Variants in KIRREL3 observed in about 807,000 individuals in gnomAD.
KIRREL3 encodes kirre like nephrin family adhesion molecule 3, also known as kin of IRRE-like protein 3.
Under a neutral mutation model 89.7 loss-of-function variants are expected in KIRREL3, and 36 were observed. The ratio of observed to expected loss-of-function variants is 0.40; its 90% CI spans 0.31 to 0.53. The LOEUF is 0.53. KIRREL3 is among the 20% of genes least tolerant of loss of function. The pLI is 0.49. For synonymous variants in KIRREL3, 445 were observed against 441.4 expected, an observed-to-expected ratio of 1.01 and a Z score of -0.10; for missense variants, 864 against 1,056.6, an observed-to-expected ratio of 0.82 and a Z score of 2.53.
chr11:126,460,410 T>G (rs557635665), intron 6 of KIRREL3, among the ~76,000 whole-genome samples: 1 of 152,266 alleles, frequency 6.6e-6, no homozygotes, highest in South Asian at 2.1e-4. Flanking sequence ...ATTACTTCCA[T>G]GTACAGAGGA....
At chr11:126,539,665 G>A (rs930219268) in intron 2 of KIRREL3, among the ~76,000 whole-genome samples, 3 of 152,168 alleles carry the variant, frequency 2.0e-5, no homozygotes, top group Non-Finnish European at 2.9e-5. Context: ...GAGGAGAAGC[G>A]CGCTTGAGGT....
rs1947911174 is a variant in KIRREL3, at chr11:126,715,223, A to C, written c.56-152311T>G. 6.6e-6 allele frequency among the ~76,000 whole-genome samples: 1 copy of C among 152,230 alleles called. No homozygotes were observed. Among genetic ancestry groups the C allele is most frequent in the Admixed American group, 6.5e-5 (1 of 15,292 alleles). Reference sequence around the variant, plus strand: ...GAGGAAGAAATCAGTTGAGAAAAACAGTCTTGAGCTACTCAGGCTATCCCC... The same window carrying C: ...GAGGAAGAAATCAGTTGAGAAAAACCGTCTTGAGCTACTCAGGCTATCCCC... On this transcript the variant is annotated intron_variant, in intron 1 of 16. Coordinates refer to ENST00000525144, the MANE Select transcript of KIRREL3 (RefSeq NM_032531.4). This position sits in a 1 kb window ranked among gnomAD's most constrained non-coding sequence, Gnocchi z 4.4.
intron 8 of KIRREL3, among the ~76,000 whole-genome samples, chr11:126,448,103 G>A (rs772701911): frequency 6.6e-6 from 1 of 151,950 alleles, no homozygotes; most frequent in African/African-American, 2.4e-5. Flanking sequence ...TGGCCAACAT[G>A]GTGAAACTGT....
intron 2 of KIRREL3, among the ~76,000 whole-genome samples, chr11:126,536,360 CCT>C (rs2134474224): frequency 6.6e-6 from 1 of 152,236 alleles, no homozygotes; most frequent in African/African-American, 2.4e-5. Context: ...GTTGCTTACT[CCT>C]CCCTGCCACC....
intron 1 of KIRREL3, among the ~76,000 whole-genome samples, chr11:126,648,262 C>T (rs185557172): frequency 5.9e-5 from 9 of 152,300 alleles, no homozygotes; most frequent in South Asian, 4.1e-4. Context: ...CTTTTTACCC[C>T]GTCTCACGTA....
chr11:126,521,698 G>C lies in KIRREL3; in HGVS notation c.284-234C>G, dbSNP rs867373444. Among the ~76,000 whole-genome samples the C allele has an allele frequency of 1.2e-4, 10 of 82,192 alleles. No individual in the cohort carries two copies. Among genetic ancestry groups the C allele is most frequent in the Admixed American group, 8.1e-4 (7 of 8,654 alleles). The allele number at this position is 82,192 out of a possible 152,430, so 53.9% of individuals were successfully genotyped here. ...TGTATGTGTGTGTGTGTGTGTGTGT[G>C]TGTGTGTGTGTGTGTGTGTGTGTGT... On this transcript the variant is annotated intron_variant, in intron 3 of 16. Coordinates refer to ENST00000525144, the MANE Select transcript of KIRREL3 (RefSeq NM_032531.4). The surrounding 1 kb of genome is among the most constrained non-coding windows in gnomAD (Gnocchi z 4.1).
At chr11:126,502,665 C>A (rs1272703515) in intron 4 of KIRREL3, among the ~76,000 whole-genome samples, 3 of 152,160 alleles carry the variant, frequency 2.0e-5, no homozygotes, top group Non-Finnish European at 4.4e-5. Flanking sequence ...ACTTAAAAGC[C>A]CCTAAGAGAC....
chr11:126,950,458 G>A (rs1358032263), intron 1 of KIRREL3, among the ~76,000 whole-genome samples: 1 of 152,156 alleles, frequency 6.6e-6, no homozygotes, highest in Non-Finnish European at 1.5e-5. Context: ...ACCTCTACGG[G>A]CAGGCGGTAA....
At chr11:126,988,711 C>T (rs1041842515) in intron 1 of KIRREL3, among the ~76,000 whole-genome samples, 6 of 152,142 alleles carry the variant, frequency 3.9e-5, no homozygotes, top group Admixed American at 2.0e-4. Context: ...TAGTTTTCAT[C>T]GGCAAATGGG....
chr11:126,609,796 G>A lies in KIRREL3; in HGVS notation c.56-46884C>T, dbSNP rs7124593. ...AGTATTCTAATATACAGCAAAAGTTGAGAGCCACTCGCAGCTCCAGCACAT... is the reference window on the plus strand; with the variant it reads ...AGTATTCTAATATACAGCAAAAGTTAAGAGCCACTCGCAGCTCCAGCACAT... On this transcript the variant is annotated intron_variant, in intron 1 of 16. Transcript: ENST00000525144. The surrounding 1 kb of genome is among the most constrained non-coding windows in gnomAD (Gnocchi z 5.0). 0.25 allele frequency among the ~76,000 whole-genome samples: 37,282 copies of A among 152,088 alleles called. 4,782 individuals are homozygous for A. Among genetic ancestry groups the A allele is most frequent in the East Asian group, 0.41 (2,144 of 5,172 alleles).
intron 1 of KIRREL3, among the ~76,000 whole-genome samples, chr11:126,846,142 G>A (rs1391410932): frequency 2.0e-5 from 3 of 152,128 alleles, no homozygotes; most frequent in South Asian, 2.1e-4. Context: ...GGTAGGAAAC[G>A]TACTTTTGGG....
intron 1 of KIRREL3, among the ~76,000 whole-genome samples, chr11:126,753,630 G>A (rs1259070415): frequency 6.6e-6 from 1 of 152,040 alleles, no homozygotes; most frequent in Non-Finnish European, 1.5e-5. Context: ...ATCTAGTTCA[G>A]ATTATATTAA....
chr11:126,615,133 T>G lies in KIRREL3; in HGVS notation c.56-52221A>C, dbSNP rs1352338532. Among the ~76,000 whole-genome samples the G allele has an allele frequency of 6.6e-6, 1 of 152,054 alleles. No individual in the cohort carries two copies. The highest frequency in any genetic ancestry group is 1.5e-5 in the Non-Finnish European group (1 of 67,994). On this transcript the variant is annotated intron_variant, in intron 1 of 16. Coordinates refer to ENST00000525144, the MANE Select transcript of KIRREL3 (RefSeq NM_032531.4). This position sits in a 1 kb window ranked among gnomAD's most constrained non-coding sequence, Gnocchi z 5.4. Reference sequence around the variant, plus strand: ...GTCAGGGAAAGACATTTTGGTGCATTATGAGGAAGAATTGTAATGTAGAGC... The same window carrying G: ...GTCAGGGAAAGACATTTTGGTGCATGATGAGGAAGAATTGTAATGTAGAGC...
chr11:126,440,580 CG>C, intron 10 of KIRREL3, 31 bp from the exon 11 acceptor site: 1 of 1,557,068 alleles, frequency 6.4e-7, no homozygotes, highest in Non-Finnish European at 8.7e-7. Flanking sequence ...ATTAGGCACC[CG>C]GGAAGGGCAC....
chr11:126,543,369 A>G (rs1017508693), intron 2 of KIRREL3, among the ~76,000 whole-genome samples: 2 of 152,192 alleles, frequency 1.3e-5, no homozygotes, highest in African/African-American at 2.4e-5. Context: ...CCTTAGAAGC[A>G]GGTGTAGCCC....
At position 126,615,884 on chromosome 11, in the gene KIRREL3, G is replaced by A. The variant is rs1943325087; in HGVS notation, c.56-52972C>T. ...CCACTTGCCTGCATTAAGCCTTTTGGTCATATGTCTGGGGAGCAGACTTCT... is the reference window on the plus strand; with the variant it reads ...CCACTTGCCTGCATTAAGCCTTTTGATCATATGTCTGGGGAGCAGACTTCT... On this transcript the variant is annotated intron_variant, in intron 1 of 16. Coordinates refer to ENST00000525144, the MANE Select transcript of KIRREL3 (RefSeq NM_032531.4). The surrounding 1 kb of genome is among the most constrained non-coding windows in gnomAD (Gnocchi z 5.4). 6.6e-6 allele frequency among the ~76,000 whole-genome samples: 1 copy of A among 152,182 alleles called. No individual in the cohort carries two copies. Among genetic ancestry groups the A allele is most frequent in the Admixed American group, 6.5e-5 (1 of 15,268 alleles).
Position 126,705,021 on chromosome 11 carries a change from G to A in KIRREL3, c.56-142109C>T, listed in dbSNP as rs1947470980. Among the ~76,000 whole-genome samples the A allele has an allele frequency of 6.6e-6, 1 of 151,954 alleles. No homozygotes were observed. Among genetic ancestry groups the A allele is most frequent in the Non-Finnish European group, 1.5e-5 (1 of 67,976 alleles). The stretch of plus-strand genomic sequence containing the variant: ...TTGGGTCAGAACTGTATTTGTGGGT[G>A]GTAAATTTATATCTTACCCACTGAA... On this transcript the variant is annotated intron_variant, in intron 1 of 16. Coordinates refer to ENST00000525144, the MANE Select transcript of KIRREL3 (RefSeq NM_032531.4). The surrounding 1 kb of genome is among the most constrained non-coding windows in gnomAD (Gnocchi z 4.3).
rs979434153 is a variant in KIRREL3, at chr11:126,754,231, T to A, written c.56-191319A>T. Among the ~76,000 whole-genome samples the A allele has an allele frequency of 6.6e-6, 1 of 152,204 alleles. No homozygotes were observed. Among genetic ancestry groups the A allele is most frequent in the African/African-American group, 2.4e-5 (1 of 41,466 alleles). The stretch of plus-strand genomic sequence containing the variant: ...GATAGAGTAGTCCCTGCCAAAAGTT[T>A]TGCTTTGCATCTGGCTACAGATCTA... On this transcript the variant is annotated intron_variant, in intron 1 of 16. Transcript: ENST00000525144. This position sits in a 1 kb window ranked among gnomAD's most constrained non-coding sequence, Gnocchi z 5.1.
In KIRREL3 at chr11:126,622,917, A is replaced by G. The variant is rs1469129181; in HGVS notation, c.56-60005T>C. On this transcript the variant is annotated intron_variant, in intron 1 of 16. Transcript: ENST00000525144. This position sits in a 1 kb window ranked among gnomAD's most constrained non-coding sequence, Gnocchi z 5.2. ...CAGATACTATCATTAGCTACATTTC[A>G]TAATGAGGAAATGGAAGTACCTAGA... is the stretch of plus-strand genomic sequence containing the variant. 6.6e-6 allele frequency among the ~76,000 whole-genome samples: 1 copy of G among 152,202 alleles called. No homozygotes were observed. The highest frequency in any genetic ancestry group is 2.4e-5 in the African/African-American group (1 of 41,448).
Sources: gnomAD v4.1 joint callset for allele counts (sites outside exome capture counted in the v4.1 genomes callset) on GRCh38, gnomAD v4.1.1 for gene constraint, Gnocchi (gnomAD v3.1) non-coding constraint, MANE v1.5 for transcripts, NCBI Gene and HGNC (gene_info 2026-07-23, HGNC 2026-07-21) for gene names.